The following GPR107 variants were observed in gnomAD, a reference collection of about 807,000 sequenced individuals.
The protein encoded by GPR107 is protein GPR107.
GPR107 carries 31 observed loss-of-function variants against 75.5 expected under a neutral mutation model. The ratio of observed to expected loss-of-function variants is 0.41; its 90% CI spans 0.31 to 0.55. The LOEUF (loss-of-function observed/expected upper bound fraction) is 0.55, where lower values mean the gene tolerates loss of function less well. GPR107 is among the 20% of genes least tolerant of loss of function. The probability of loss-of-function intolerance (pLI) is 0.26; values close to 1 mark genes in which losing one functional copy is unlikely to be tolerated. For synonymous variants in GPR107, 267 were observed against 251.3 expected (o/e 1.06, Z -0.59); for missense variants, 572 against 665.7 (o/e 0.86, Z 1.55).
intron 9 of GPR107, among the ~76,000 whole-genome samples, chr9:130,097,709 GTT>G (rs560402864): frequency 3.6e-4 from 48 of 134,306 alleles, no homozygotes; most frequent in East Asian, 8.5e-4. Flanking sequence ...TATTCTTTGG[GTT>G]TTTTTTTTTT....
intron 14 of GPR107, chr9:130,120,809 T>A (rs1429124031): frequency 6.6e-6 from 1 of 152,324 alleles, no homozygotes; most frequent in Non-Finnish European, 1.5e-5. Flanking sequence ...TTTGGGAGGC[T>A]GGTTCGAAGG....
chr9:130,093,389 C>T (rs73672544), intron 9 of GPR107, among the ~76,000 whole-genome samples: 1,659 of 152,126 alleles, frequency 0.011, 30 homozygotes, highest in African/African-American at 0.038. Context: ...TGATAGTATG[C>T]GAATATGCTA....
chr9:130,059,013 C>T (rs1382061040), intron 1 of GPR107, among the ~76,000 whole-genome samples: 1 of 152,184 alleles, frequency 6.6e-6, no homozygotes, highest in African/African-American at 2.4e-5. Context: ...TTTCATTTCT[C>T]TTGGATGATA....
At chr9:130,114,029 CTTT>C (rs60616601) in intron 14 of GPR107, among the ~76,000 whole-genome samples, 10 of 90,672 alleles carry the variant, frequency 1.1e-4, no homozygotes, top group African/African-American at 1.8e-4. Context: ...TCTTCTCATT[CTTT>C]TTTTTTTTTT....
intron 9 of GPR107, among the ~76,000 whole-genome samples, chr9:130,098,718 A>T (rs953077766): frequency 6.6e-6 from 1 of 152,084 alleles, no homozygotes; most frequent in Non-Finnish European, 1.5e-5. Flanking sequence ...GTACTTTATA[A>T]AAAAAGTGGC....
intron 13 of GPR107, 133 bp from the exon 14 acceptor site, chr9:130,107,363 A>G (rs890480261): frequency 1.8e-5 from 12 of 678,964 alleles, no homozygotes; most frequent in South Asian, 1.3e-4. Flanking sequence ...TTTTAGGGAG[A>G]GTGCTCTAAA....
At chr9:130,067,743 C>A (rs535323303) in intron 1 of GPR107, among the ~76,000 whole-genome samples, 12 of 103,382 alleles carry the variant, frequency 1.2e-4, no homozygotes, top group Admixed American at 1.5e-4. Context: ...AGTCCCCCCC[C>A]ACCGCCCCCT....
chr9:130,076,172 G>C (rs1830345427), intron 2 of GPR107, among the ~76,000 whole-genome samples: 1 of 152,170 alleles, frequency 6.6e-6, no homozygotes, highest in African/African-American at 2.4e-5. Flanking sequence ...TTAAGCATGT[G>C]AGTAGCAAAT....
intron 13 of GPR107, among the ~76,000 whole-genome samples, chr9:130,104,807 T>C (rs957067909): frequency 3.9e-5 from 6 of 152,280 alleles, no homozygotes; most frequent in South Asian, 2.1e-4. Context: ...TAGAGAGGAA[T>C]TGGGAAATGA....
In GPR107 at chr9:130,137,505, T is replaced by C. The variant is rs1831988962; in HGVS notation, c.*2384T>C. The C allele has an allele frequency of 6.6e-6, 1 of 152,238 alleles. No homozygotes were observed. The highest frequency in any genetic ancestry group is 1.5e-5 in the Non-Finnish European group (1 of 68,034). 9.4% of individuals were successfully genotyped at this position (152,238 alleles called of 1,614,324 possible). A position where few individuals can be genotyped will look rare whatever the true frequency, so the allele number is the denominator to read the frequency against. On this transcript the variant is annotated 3_prime_UTR_variant, in exon 18 of 18. Transcript: ENST00000347136. ...CAAGCAGGTCATCTGGCCATGTCTGTATTGTAACTGGTAAAAGGCTTCAAG... is the reference window on the plus strand; with the variant it reads ...CAAGCAGGTCATCTGGCCATGTCTGCATTGTAACTGGTAAAAGGCTTCAAG...
At chr9:130,098,264 G>A (rs530705075) in intron 9 of GPR107, among the ~76,000 whole-genome samples, 5 of 152,286 alleles carry the variant, frequency 3.3e-5, no homozygotes, top group Middle Eastern at 6.8e-3. Context: ...CCCGGCAGCC[G>A]AAAGGTGGAC....
chr9:130,062,620 GCCTT>G (rs760991753), intron 1 of GPR107, among the ~76,000 whole-genome samples: 1,868 of 58,460 alleles, frequency 0.032, 40 homozygotes, highest in African/African-American at 0.094. Flanking sequence ...CTGCCTGCCT[GCCTT>G]CCTGCCTTCC....
chr9:130,060,615 A>G (rs956233160), intron 1 of GPR107, among the ~76,000 whole-genome samples: 1 of 151,928 alleles, frequency 6.6e-6, no homozygotes, highest in South Asian at 2.1e-4. Context: ...AATTGTCTAA[A>G]TATGATTTTT....
chr9:130,077,840 G>GTTGAGGCA (rs1795167505), intron 4 of GPR107, among the ~76,000 whole-genome samples: 2 of 152,148 alleles, frequency 1.3e-5, no homozygotes, highest in Non-Finnish European at 2.9e-5. Context: ...TCATGAGATT[G>GTTGAGGCA]TTGGTGAGGA....
In GPR107 at chr9:130,114,198, G is replaced by A. The variant is rs1589522521; in HGVS notation, c.1306+6659G>A. Among the ~76,000 whole-genome samples the A allele has an allele frequency of 4.0e-5, 6 of 151,512 alleles. 1 individual carries two copies. The highest frequency in any genetic ancestry group is 4.0e-4 in the Admixed American group (6 of 15,178). ...AGCCTGGCCAACATGGTAAAACCCTGTCTCTACTAAAAATACAAAAATTAG... is the reference window on the plus strand; with the variant it reads ...AGCCTGGCCAACATGGTAAAACCCTATCTCTACTAAAAATACAAAAATTAG... On this transcript the variant is annotated intron_variant, in intron 14 of 17. Coordinates refer to ENST00000347136, the MANE Select transcript of GPR107 (RefSeq NM_020960.5).
chr9:130,103,941 C>A lies in GPR107; in HGVS notation c.1132-479C>A, dbSNP rs1831098667. ...GTAGGTCTGACTTGGGTCTTGTGGT[C>A]ATAGTCACACCATGGCTGGGAGCAT... On this transcript the variant is annotated intron_variant, in intron 12 of 17. Transcript: ENST00000347136. This position sits in a 1 kb window ranked among gnomAD's most constrained non-coding sequence, Gnocchi z 4.3. Among the ~76,000 whole-genome samples the A allele has an allele frequency of 6.6e-6, 1 of 152,140 alleles. No homozygotes were observed. Among genetic ancestry groups the A allele is most frequent in the South Asian group, 2.1e-4 (1 of 4,832 alleles).
intron 14 of GPR107, among the ~76,000 whole-genome samples, chr9:130,123,530 CTTTTTTTTT>C (rs57730952): frequency 7.9e-6 from 1 of 127,156 alleles, no homozygotes; most frequent in Non-Finnish European, 1.7e-5. Context: ...CTTTTCTTTT[CTTTTTTTTT>C]TTTTTTTTTT....
chr9:130,065,975 T>TA (rs1554890487), intron 1 of GPR107, among the ~76,000 whole-genome samples: 1 of 151,180 alleles, frequency 6.6e-6, no homozygotes, highest in African/African-American at 2.4e-5. Flanking sequence ...ATTTATTCAC[T>TA]CCCCCCCAAA....
chr9:130,054,488 G>C (rs910866148), intron 1 of GPR107, among the ~76,000 whole-genome samples: 3 of 152,162 alleles, frequency 2.0e-5, no homozygotes, highest in Non-Finnish European at 2.9e-5. Context: ...CCGGCGGTTT[G>C]AAGGTACTTG....
Sources: allele counts gnomAD v4.1 joint callset (sites outside exome capture counted in the v4.1 genomes callset), GRCh38; gene constraint gnomAD v4.1.1; non-coding constraint Gnocchi (gnomAD v3.1); transcripts MANE v1.5; gene names NCBI Gene and HGNC (gene_info 2026-07-23, HGNC 2026-07-21).